The following ARHGAP44 variants were observed in gnomAD, a reference collection of about 807,000 sequenced individuals.
ARHGAP44 encodes the protein Rho GTPase activating protein 44.
A neutral mutation model predicts 106.8 loss-of-function variants in ARHGAP44; 43 were observed. The ratio of observed to expected loss-of-function variants is 0.40; its 90% CI spans 0.32 to 0.52. ARHGAP44 has a LOEUF of 0.52. Among genes scored for constraint, ARHGAP44 ranks in the 20% least tolerant of loss-of-function variants. The pLI is 0.48. For missense variants in ARHGAP44, 866 were observed against 1,050.5 expected (o/e 0.82, Z 2.43); for synonymous variants, 439 against 410.3 (o/e 1.07, Z -0.85).
chr17:12,893,014 TAACTGA>T (rs1232722014), intron 1 of ARHGAP44, among the ~76,000 whole-genome samples: 4 of 152,120 alleles, frequency 2.6e-5, no homozygotes, highest in Non-Finnish European at 5.9e-5. Flanking sequence ...GTGTGATGAG[TAACTGA>T]AATCTGGATA....
intron 18 of ARHGAP44, 87 bp from the exon 19 acceptor site, chr17:12,979,971 G>C: frequency 5.1e-6 from 7 of 1,379,008 alleles, no homozygotes; most frequent in Non-Finnish European, 5.9e-6. Context: ...GGGCCCAGAA[G>C]GACACACAGG....
intron 3 of ARHGAP44, among the ~76,000 whole-genome samples, chr17:12,905,465 C>G (rs895455404): frequency 6.6e-6 from 1 of 152,144 alleles, no homozygotes; most frequent in Non-Finnish European, 1.5e-5. Context: ...GAACAGTTGC[C>G]TGGCTGTCCC....
intron 15 of ARHGAP44, 85 bp downstream of exon 15, chr17:12,956,831 A>G: frequency 3.4e-6 from 4 of 1,173,746 alleles, no homozygotes; most frequent in South Asian, 2.6e-5. Flanking sequence ...GCCAAGTACC[A>G]CTGCCCACAG....
chr17:12,841,637 C>CAAA (rs140882682), intron 1 of ARHGAP44, among the ~76,000 whole-genome samples: 76 of 101,698 alleles, frequency 7.5e-4, no homozygotes, highest in African/African-American at 2.6e-3. Context: ...CACACACACA[C>CAAA]ACAAACAAAC....
At chr17:12,827,961 C>T (rs1054655895) in intron 1 of ARHGAP44, among the ~76,000 whole-genome samples, 9 of 148,452 alleles carry the variant, frequency 6.1e-5, no homozygotes, top group African/African-American at 2.3e-4. Context: ...ATCACTTGAA[C>T]CTGGGAGGTG....
intron 17 of ARHGAP44, 34 bp from the exon 18 acceptor site, chr17:12,974,055 C>A: frequency 6.5e-7 from 1 of 1,542,752 alleles, no homozygotes; most frequent in Non-Finnish European, 8.8e-7. Flanking sequence ...ATCTGTTACG[C>A]GTGGGTAAGC....
rs1033940381 is a variant in ARHGAP44, at chr17:12,949,580, G to A, written c.974-69G>A. 3.1e-5 allele frequency: 45 copies of A among 1,460,088 alleles called. No homozygotes were observed. The African/African-American group carries it at 5.9e-4, about 19-fold the overall frequency. 90.4% of individuals were successfully genotyped at this position (1,460,088 alleles called of 1,614,324 possible). A position where few individuals can be genotyped will look rare whatever the true frequency, so the allele number is the denominator to read the frequency against. Reference sequence around the variant, plus strand: ...TCCCCAGATGGAACCCACATAGGCAGTGCTGGCTGGTGGGTCTTGCCTCTG... The same window carrying A: ...TCCCCAGATGGAACCCACATAGGCAATGCTGGCTGGTGGGTCTTGCCTCTG... On this transcript the variant is annotated intron_variant, in intron 11 of 20. Transcript: ENST00000379672. This position sits in a 1 kb window ranked among gnomAD's most constrained non-coding sequence, Gnocchi z 4.1.
At chr17:12,873,624 T>C (rs2036464542) in intron 1 of ARHGAP44, among the ~76,000 whole-genome samples, 1 of 152,158 alleles carries the variant, frequency 6.6e-6, no homozygotes, top group African/African-American at 2.4e-5. Flanking sequence ...CCAGCCAGGC[T>C]TGGTGGCTCA....
chr17:12,883,175 G>GC (rs1555550900), intron 1 of ARHGAP44, among the ~76,000 whole-genome samples: 1 of 148,290 alleles, frequency 6.7e-6, no homozygotes, highest in Admixed American at 6.7e-5. Flanking sequence ...TTTTGTCTAA[G>GC]TTTTTTTTTT....
rs529394457 is a variant in ARHGAP44 at position 12,798,068 on chromosome 17, A to G, written c.53+8177A>G. ...ATCTTAACAGCCGCCTTCATGAACT[A>G]TCTCATTATTTTTAAATACTTTTTT... On this transcript the variant is annotated intron_variant, in intron 1 of 20. Coordinates refer to ENST00000379672, the MANE Select transcript of ARHGAP44 (RefSeq NM_014859.6). Among the ~76,000 whole-genome samples the G allele has an allele frequency of 3.7e-4, 56 of 152,302 alleles. No homozygotes were observed. The South Asian group carries it at 4.6e-3, about 12-fold the overall frequency.
intron 1 of ARHGAP44, among the ~76,000 whole-genome samples, chr17:12,872,857 A>G (rs2036442942): frequency 6.6e-6 from 1 of 152,096 alleles, no homozygotes; most frequent in Admixed American, 6.5e-5. Flanking sequence ...TTTACTTTGA[A>G]AGTCTCAGCA....
chr17:12,843,836 A>G (rs960759015), intron 1 of ARHGAP44, among the ~76,000 whole-genome samples: 8 of 150,764 alleles, frequency 5.3e-5, no homozygotes, highest in African/African-American at 2.0e-4. Context: ...TTGTGTTTTT[A>G]GTAGATTCGG....
At chr17:12,968,101 CT>C (rs370986019) in intron 16 of ARHGAP44, among the ~76,000 whole-genome samples, 48 of 152,340 alleles carry the variant, frequency 3.2e-4, no homozygotes, top group Middle Eastern at 3.4e-3. Flanking sequence ...GTTAGCTGTT[CT>C]TAGTACAGGA....
intron 1 of ARHGAP44, among the ~76,000 whole-genome samples, chr17:12,830,811 CAAT>C (rs1471983588): frequency 6.6e-6 from 1 of 152,168 alleles, no homozygotes; most frequent in African/African-American, 2.4e-5. Context: ...AATTTACACA[CAAT>C]GATTAATTTA....
chr17:12,858,467 C>T (rs1567652696), intron 1 of ARHGAP44, among the ~76,000 whole-genome samples: 1 of 152,186 alleles, frequency 6.6e-6, no homozygotes, highest in Non-Finnish European at 1.5e-5. Flanking sequence ...CTAAATCAAC[C>T]TTCTCAGGCC....
At chr17:12,950,661 A>G (rs2038971486) in intron 12 of ARHGAP44, among the ~76,000 whole-genome samples, 1 of 152,166 alleles carries the variant, frequency 6.6e-6, no homozygotes, top group African/African-American at 2.4e-5. Context: ...ACACAACAGC[A>G]GGGTGGGAGA....
At chr17:12,926,669 G>T (rs1431498524) in intron 6 of ARHGAP44, among the ~76,000 whole-genome samples, 1 of 151,060 alleles carries the variant, frequency 6.6e-6, no homozygotes, top group East Asian at 1.9e-4. Flanking sequence ...AGAATAAAAA[G>T]AAAAGAAGGA....
chr17:12,789,992 C>T (rs1248125728), intron 1 of ARHGAP44, 101 bp downstream of exon 1: 2 of 1,181,706 alleles, frequency 1.7e-6, no homozygotes, highest in African/African-American at 1.6e-5. Flanking sequence ...TCCTCCTTGC[C>T]TCAGTCCTTT....
At chr17:12,847,200 G>A (rs866567332) in intron 1 of ARHGAP44, among the ~76,000 whole-genome samples, 1 of 152,276 alleles carries the variant, frequency 6.6e-6, no homozygotes, top group Middle Eastern at 3.4e-3. Context: ...TGCTGATTGG[G>A]CCACACATGA....
Sources: allele counts gnomAD v4.1 joint callset (sites outside exome capture counted in the v4.1 genomes callset), GRCh38; gene constraint gnomAD v4.1.1; non-coding constraint Gnocchi (gnomAD v3.1); transcripts MANE v1.5; gene names NCBI Gene and HGNC (gene_info 2026-07-23, HGNC 2026-07-21).